Variants in LTBP2 observed in about 807,000 individuals in gnomAD.
LTBP2 encodes latent transforming growth factor beta binding protein 2.
In LTBP2, 103 loss-of-function variants were observed where a neutral mutation model predicts 210.6. That is an observed-to-expected ratio of 0.49 (90% CI 0.42 to 0.58). The LOEUF (loss-of-function observed/expected upper bound fraction) is 0.58, where lower values mean the gene tolerates loss of function less well. Ranked by LOEUF, LTBP2 falls within the 20% of genes least tolerant of loss-of-function variation. The probability of loss-of-function intolerance (pLI) is 0.00; values close to 1 mark genes in which losing one functional copy is unlikely to be tolerated. For synonymous variants in LTBP2, 1,007 were observed against 1,015.0 expected, an observed-to-expected ratio of 0.99 and a Z score of 0.15; for missense variants, 2,313 against 2,494.5, an observed-to-expected ratio of 0.93 and a Z score of 1.55.
At chr14:74,580,400 TAAG>T (rs943680390) in intron 3 of LTBP2, among the ~76,000 whole-genome samples, 6 of 152,138 alleles carry the variant, frequency 3.9e-5, no homozygotes, top group African/African-American at 1.2e-4. Context: ...TGAACCCTTA[TAAG>T]AAGAAGACAA....
intron 2 of LTBP2, among the ~76,000 whole-genome samples, chr14:74,594,713 A>G (rs1037096466): frequency 6.6e-6 from 1 of 152,066 alleles, no homozygotes; most frequent in Non-Finnish European, 1.5e-5. Context: ...GTTTCTCCAC[A>G]ACCTTGACTT....
At chr14:74,525,911 T>C (rs778536323) in intron 14 of LTBP2, among the ~76,000 whole-genome samples, 164 bp downstream of exon 14, 12 of 152,212 alleles carry the variant, frequency 7.9e-5, no homozygotes, top group Non-Finnish European at 1.8e-4. Context: ...ACCTTAGGTG[T>C]ATAGAGAGCT....
At position 74,551,209 on chromosome 14, in the gene LTBP2, C is replaced by A; in HGVS notation, c.1541G>T (p.Trp514Leu). 35 of 1,613,504 alleles carry A rather than the reference C, an allele frequency of 2.2e-5. No individual in the cohort carries two copies. Among genetic ancestry groups the A allele is most frequent in the Non-Finnish European group, 2.9e-5 (34 of 1,179,952 alleles). The change falls in exon 7 of 36, where the codon TGG becomes TTG. Residue 514 changes from tryptophan (W) to leucine (L), a missense_variant. Physicochemically the swap from Trp to Leu is moderately conservative, Grantham distance 61. Around this residue, in one of 3 missense-constraint regions of LTBP2, gnomAD observed 1,867 missense variants for 1,976.9 expected, o/e 0.94. Coordinates refer to ENST00000261978, the MANE Select transcript of LTBP2 (RefSeq NM_000428.3). ...GCTGTGGCCAGGGCTGGCAGGCAGC[C>A]AGGGCGGGGGTCTGGTCTCCACGCT... ...ENSVETRPPPWLPASPGHSLW... is the reference protein window; with the variant it reads ...ENSVETRPPPLLPASPGHSLW...
At chr14:74,511,447 T>G in intron 18 of LTBP2, 83 bp from the exon 19 acceptor site, 1 of 1,560,574 alleles carries the variant, frequency 6.4e-7, no homozygotes. Context: ...TCCTTGTCCC[T>G]GCCTTTGGTT....
intron 14 of LTBP2, 74 bp downstream of exon 14, chr14:74,526,001 T>C (rs1284090211): frequency 6.8e-7 from 1 of 1,460,858 alleles, no homozygotes; most frequent in East Asian, 2.5e-5. Flanking sequence ...TCACACATAG[T>C]AACTCCACTC....
At chr14:74,554,071 G>C (rs889578213) in intron 4 of LTBP2, among the ~76,000 whole-genome samples, 1 of 151,974 alleles carries the variant, frequency 6.6e-6, no homozygotes, top group Non-Finnish European at 1.5e-5. Context: ...CAGCGTTCCA[G>C]AGGAAATGAC....
intron 17 of LTBP2, 146 bp from the exon 18 acceptor site, chr14:74,517,087 C>T: frequency 9.4e-7 from 1 of 1,062,210 alleles, no homozygotes; most frequent in South Asian, 1.4e-5. Flanking sequence ...GCTGCAGCCA[C>T]AATTGCCTGG....
At position 74,530,496 on chromosome 14, in the gene LTBP2, C is replaced by T. The variant is rs114228251; in HGVS notation, c.1988-1374G>A. On this transcript the variant is annotated intron_variant, in intron 10 of 35. Coordinates refer to ENST00000261978, the MANE Select transcript of LTBP2 (RefSeq NM_000428.3). ...CCAGCCTGAGGCCATACCACGTCTG[C>T]ACTTCCTAGTTGTGTGAACCAATGC... 4.4e-3 allele frequency among the ~76,000 whole-genome samples: 669 copies of T among 152,324 alleles called. 7 individuals carry two copies. Among genetic ancestry groups the T allele is most frequent in the African/African-American group, 0.015 (618 of 41,558 alleles).
intron 2 of LTBP2, among the ~76,000 whole-genome samples, chr14:74,595,175 G>A (rs1595298715): frequency 6.6e-6 from 1 of 152,390 alleles, no homozygotes; most frequent in Non-Finnish European, 1.5e-5. Flanking sequence ...GGAAGGGGAG[G>A]TGTGAGTCAG....
intron 3 of LTBP2, among the ~76,000 whole-genome samples, chr14:74,572,216 C>T (rs2087988628): frequency 6.6e-6 from 1 of 152,130 alleles, no homozygotes; most frequent in Non-Finnish European, 1.5e-5. Flanking sequence ...TTTTCCCCTT[C>T]TAATCCTTTT....
Position 74,499,108 on chromosome 14 carries a change from G to A in LTBP2, c.*1776C>T, listed in dbSNP as rs1378655630. 4.6e-6 allele frequency: 1 copy of A among 217,752 alleles called. No individual in the cohort carries two copies. The highest frequency in any genetic ancestry group is 2.2e-5 in the African/African-American group (1 of 44,552). The allele number at this position is 217,752 out of a possible 1,614,324, so 13.5% of individuals were successfully genotyped here. On this transcript the variant is annotated 3_prime_UTR_variant, in exon 36 of 36. Coordinates refer to ENST00000261978, the MANE Select transcript of LTBP2 (RefSeq NM_000428.3). Reference sequence around the variant, plus strand: ...AATATGTACTTCTGTCAGCTGTTATGAGAGTACCTATTTCCCACATGCTTG... The same window carrying A: ...AATATGTACTTCTGTCAGCTGTTATAAGAGTACCTATTTCCCACATGCTTG...
At chr14:74,563,194 T>C (rs2087818238) in intron 3 of LTBP2, among the ~76,000 whole-genome samples, 1 of 152,220 alleles carries the variant, frequency 6.6e-6, no homozygotes. Flanking sequence ...TTGATTTACC[T>C]GGGACCACAT....
Position 74,532,486 on chromosome 14 carries a change from T to C in LTBP2, c.1927A>G (p.Ser643Gly), listed in dbSNP as rs2087364056. Reference protein sequence around the residue: ...KDAECVNTRGSYLCTCRPGLM... With the variant: ...KDAECVNTRGGYLCTCRPGLM... ...CCAGGTCTGCATGTGCACAGGTAGC[T>C]GCCCCTGGTATTCACACACTCCGCG... The change falls in exon 10 of 36, where the codon AGC (serine) becomes GGC (glycine). Residue 643 changes from serine (S) to glycine (G), a missense_variant. Transcript: ENST00000261978. 1.2e-6 allele frequency: 2 copies of C among 1,614,198 alleles called. No individual in the cohort carries two copies. The highest frequency in any genetic ancestry group is 1.7e-6 in the Non-Finnish European group (2 of 1,180,024).
intron 1 of LTBP2, 53 bp from the exon 2 acceptor site, chr14:74,603,758 A>AG: frequency 6.9e-7 from 1 of 1,456,636 alleles, no homozygotes. Flanking sequence ...GCTGGGGACT[A>AG]TTCACAGCCC....
intron 3 of LTBP2, among the ~76,000 whole-genome samples, chr14:74,564,856 T>C (rs1174469526): frequency 6.6e-6 from 1 of 152,186 alleles, no homozygotes; most frequent in Non-Finnish European, 1.5e-5. Flanking sequence ...TTGCAGAAGG[T>C]GGCTGAACTC....
At chr14:74,520,310 G>A (rs2087184935) in intron 17 of LTBP2, among the ~76,000 whole-genome samples, 1 of 151,776 alleles carries the variant, frequency 6.6e-6, no homozygotes, top group Non-Finnish European at 1.5e-5. Context: ...ATGCTTTGGA[G>A]CTAGAGTGAT....
At chr14:74,603,855 G>C in intron 1 of LTBP2, 150 bp from the exon 2 acceptor site, 1 of 717,706 alleles carries the variant, frequency 1.4e-6, no homozygotes, top group Non-Finnish European at 2.5e-6. Context: ...GCAAATCTAA[G>C]ATTGAATCCT....
chr14:74,541,460 C>T lies in LTBP2; in HGVS notation c.1790-5460G>A, dbSNP rs532688827. 7.2e-5 allele frequency among the ~76,000 whole-genome samples: 11 copies of T among 152,170 alleles called. No individual in the cohort carries two copies. In the South Asian group the frequency reaches 2.3e-3, roughly 32 times the overall value. On this transcript the variant is annotated intron_variant, in intron 8 of 35. Coordinates refer to ENST00000261978, the MANE Select transcript of LTBP2 (RefSeq NM_000428.3). ...CTTGGAGAGTCTTACTAATATTATT[C>T]CCATTTTATGGATGAGCAAATTGAG...
At chr14:74,564,191 A>G (rs1313392458) in intron 3 of LTBP2, among the ~76,000 whole-genome samples, 1 of 52,928 alleles carries the variant, frequency 1.9e-5, no homozygotes, top group Non-Finnish European at 3.1e-5. Flanking sequence ...ATATATTTAT[A>G]TATATATTTA....
Sources: gnomAD v4.1 joint callset for allele counts (sites outside exome capture counted in the v4.1 genomes callset) on GRCh38, gnomAD v4.1.1 for gene constraint, gnomAD v4.1.1 regional missense constraint, MANE v1.5 for transcripts, NCBI Gene and HGNC (gene_info 2026-07-23, HGNC 2026-07-21) for gene names.